The following LGR4 variants were observed in gnomAD, a reference collection of about 807,000 sequenced individuals.
LGR4 encodes leucine-rich repeat-containing G protein-coupled receptor 4.
A neutral mutation model predicts 84.8 loss-of-function variants in LGR4; 44 were observed. The observed-to-expected ratio is 0.52, with a 90% CI of 0.41 to 0.67. The LOEUF (loss-of-function observed/expected upper bound fraction) is 0.67. Ranked by LOEUF, LGR4 falls within the 30% of genes least tolerant of loss-of-function variation. LGR4 has a pLI of 0.00. For synonymous variants in LGR4, 429 were observed against 434.3 expected, an observed-to-expected ratio of 0.99 and a Z score of 0.15; for missense variants, 1,032 against 1,131.4, an observed-to-expected ratio of 0.91 and a Z score of 1.26.
chr11:27,417,479 G>A (rs930734593), intron 1 of LGR4, among the ~76,000 whole-genome samples: 18 of 152,106 alleles, frequency 1.2e-4, no homozygotes, highest in African/African-American at 4.3e-4. Flanking sequence ...AATGCCTCCA[G>A]TGGAACAAAT....
In LGR4 at chr11:27,385,385, T is replaced by A; in HGVS notation, c.485A>T (p.Asp162Val). 6.2e-7 allele frequency: 1 copy of A among 1,612,788 alleles called. No individual in the cohort carries two copies. Among genetic ancestry groups the A allele is most frequent in the Non-Finnish European group, 8.5e-7 (1 of 1,179,602 alleles). ...CACAGGCACCTCCGTCAAGCTGTTG[T>A]CATCCAGCCACAGATGCCGTAACTG... ...LVQLRHLWLD[D>V]NSLTEVPVHP... The change falls in exon 5 of 18, where the codon GAC (aspartate) becomes GTC (valine). Residue 162 changes from aspartate (D) to valine (V), a missense_variant. Transcript: ENST00000379214.
chr11:27,433,733 GC>G (rs1199879524), intron 1 of LGR4, among the ~76,000 whole-genome samples: 1 of 152,162 alleles, frequency 6.6e-6, no homozygotes, highest in African/African-American at 2.4e-5. Flanking sequence ...CCCGTTATTT[GC>G]TTTATGCTTC....
intron 1 of LGR4, among the ~76,000 whole-genome samples, chr11:27,440,019 C>T (rs1030417773): frequency 6.6e-6 from 1 of 151,730 alleles, no homozygotes; most frequent in Non-Finnish European, 1.5e-5. Context: ...GATTCTCCCA[C>T]CTCAGCCTCC....
chr11:27,401,468 A>G (rs1193317426), intron 2 of LGR4, among the ~76,000 whole-genome samples: 1 of 152,204 alleles, frequency 6.6e-6, no homozygotes, highest in Non-Finnish European at 1.5e-5. Flanking sequence ...ACCCTCTGGC[A>G]ATAAACACAT....
intron 15 of LGR4, 47 bp downstream of exon 15, chr11:27,373,504 G>C (rs754627799): frequency 6.8e-7 from 1 of 1,478,288 alleles, no homozygotes; most frequent in Admixed American, 2.3e-5. Context: ...TGTAATTTTG[G>C]AGCCTACCAT....
intron 1 of LGR4, among the ~76,000 whole-genome samples, chr11:27,438,129 A>T (rs577338491): frequency 2.0e-3 from 301 of 152,306 alleles, no homozygotes; most frequent in African/African-American, 6.8e-3. Flanking sequence ...TTCTTTATTC[A>T]AAGCCACACA....
Position 27,369,234 on chromosome 11 carries a change from A to G in LGR4, c.1580-91T>C, listed in dbSNP as rs1862836343. 5.0e-6 allele frequency: 5 copies of G among 1,007,106 alleles called. No homozygotes were observed. In the East Asian group the frequency reaches 1.3e-4, roughly 26 times the overall value. 62.4% of individuals were successfully genotyped at this position (1,007,106 alleles called of 1,614,324 possible). ...ATGGCTTGATAGAAAAACTAATGAT[A>G]TAGACTAATTAAATCTGCTCTCTAC... On this transcript the variant is annotated intron_variant, in intron 17 of 17. Coordinates refer to ENST00000379214, the MANE Select transcript of LGR4 (RefSeq NM_018490.5).
At chr11:27,443,533 T>A (rs751155874) in intron 1 of LGR4, among the ~76,000 whole-genome samples, 2 of 152,232 alleles carry the variant, frequency 1.3e-5, no homozygotes, top group Non-Finnish European at 2.9e-5. Context: ...CTGAAGCAGC[T>A]TACAAATGTA....
intron 1 of LGR4, among the ~76,000 whole-genome samples, chr11:27,431,558 G>T (rs909263182): frequency 6.6e-6 from 1 of 152,188 alleles, no homozygotes; most frequent in Non-Finnish European, 1.5e-5. Flanking sequence ...CACCATGGAC[G>T]TTTAAATGGT....
intron 2 of LGR4, among the ~76,000 whole-genome samples, chr11:27,406,744 C>T (rs1403376980): frequency 6.6e-6 from 1 of 152,096 alleles, no homozygotes; most frequent in Admixed American, 6.6e-5. Flanking sequence ...CAGAGGGCTG[C>T]AAAGTGGAAC....
chr11:27,392,524 G>GAAAAA lies in LGR4; in HGVS notation c.258-11_258-7dup. 4.8e-6 allele frequency: 6 copies of GAAAAA among 1,246,260 alleles called. No individual in the cohort carries two copies. The highest frequency in any genetic ancestry group is 3.5e-5 in the Admixed American group (1 of 28,596). 77.2% of individuals were successfully genotyped at this position (1,246,260 alleles called of 1,614,324 possible). A position where few individuals can be genotyped will look rare whatever the true frequency, so the allele number is the denominator to read the frequency against. On this transcript the variant is annotated splice_region_variant and splice_polypyrimidine_tract_variant and intron_variant, in intron 2 of 17. Coordinates refer to ENST00000379214, the MANE Select transcript of LGR4 (RefSeq NM_018490.5). ...GGTCGTTGCCCGCCAATTGTCTAGA[G>GAAAAA]AAAAAAAAAAAAAAAGTAGCAAGAA... is the stretch of plus-strand genomic sequence containing the variant.
At chr11:27,372,526 C>G in intron 15 of LGR4, 128 bp from the exon 16 acceptor site, 1 of 610,008 alleles carries the variant, frequency 1.6e-6, no homozygotes, top group Non-Finnish European at 2.9e-6. Context: ...GTGCTTTAGG[C>G]TGGTCGTTCA....
chr11:27,415,776 C>T (rs1487480393), intron 1 of LGR4, among the ~76,000 whole-genome samples: 1 of 152,002 alleles, frequency 6.6e-6, no homozygotes, highest in Non-Finnish European at 1.5e-5. Flanking sequence ...TCCGGAGAAG[C>T]TCTGGAAACC....
chr11:27,433,049 TC>T (rs1864140792), intron 1 of LGR4, among the ~76,000 whole-genome samples: 1 of 152,250 alleles, frequency 6.6e-6, no homozygotes, highest in Non-Finnish European at 1.5e-5. Flanking sequence ...ATGTAGGCTT[TC>T]TTTGCTCCAT....
chr11:27,368,643 A>G lies in LGR4; in HGVS notation c.2080T>C (p.Leu694=). The G allele has an allele frequency of 2.5e-6, 4 of 1,614,076 alleles. No homozygotes were observed. Among genetic ancestry groups the G allele is most frequent in the Non-Finnish European group, 3.4e-6 (4 of 1,180,004 alleles). ...GGCGTTTCACCTGTAGGAAATGGCA[A>G]ACAAAGGGGTGATGCAGAATATTCC... ...RGEYSASPLC[L]PFPTGETPSL... Residue 694 remains leucine (L), a synonymous_variant, in exon 18 of 18, where the codon TTG becomes CTG. Transcript: ENST00000379214.
At chr11:27,376,205 T>G in intron 13 of LGR4, 94 bp downstream of exon 13, 2 of 747,850 alleles carry the variant, frequency 2.7e-6, no homozygotes, top group South Asian at 3.4e-5. Flanking sequence ...TAAAATTATA[T>G]CTTTAAGTAT....
chr11:27,467,430 T>C, intron 1 of LGR4, among the ~76,000 whole-genome samples: 1 of 151,840 alleles, frequency 6.6e-6, no homozygotes, highest in East Asian at 1.9e-4. Context: ...TAGCCAGGCA[T>C]GGTGGCGGGT....
At chr11:27,447,602 T>A (rs116770885) in intron 1 of LGR4, among the ~76,000 whole-genome samples, 1,933 of 152,280 alleles carry the variant, frequency 0.013, 43 homozygotes, top group African/African-American at 0.044. Context: ...CCAGCAACCC[T>A]TGGGGTTGCT....
At chr11:27,431,359 T>A (rs915266061) in intron 1 of LGR4, among the ~76,000 whole-genome samples, 1 of 152,170 alleles carries the variant, frequency 6.6e-6, no homozygotes, top group Admixed American at 6.5e-5. Flanking sequence ...TATATTACAA[T>A]GGCCCCTTAT....
Sources: allele counts gnomAD v4.1 joint callset (sites outside exome capture counted in the v4.1 genomes callset), GRCh38; gene constraint gnomAD v4.1.1; transcripts MANE v1.5; gene names NCBI Gene and HGNC (gene_info 2026-07-23, HGNC 2026-07-21).